XKR6: variants seen among roughly 807,000 people sequenced by gnomAD.
The protein encoded by XKR6 is XK-related protein 6.
In XKR6, 22 loss-of-function variants were observed where a neutral mutation model predicts 56.7. The observed-to-expected ratio is 0.39, with a 90% CI of 0.28 to 0.55. XKR6 has a LOEUF of 0.55. Among genes scored for constraint, XKR6 ranks in the 20% least tolerant of loss-of-function variants. The pLI, the probability that XKR6 is intolerant of heterozygous loss-of-function variation, is 0.66. For missense variants in XKR6, 852 were observed against 889.0 expected, an observed-to-expected ratio of 0.96 and a Z score of 0.53; for synonymous variants, 524 against 387.8, an observed-to-expected ratio of 1.35 and a Z score of -4.13.
intron 1 of XKR6, among the ~76,000 whole-genome samples, chr8:11,092,575 G>A (rs1798109875): frequency 6.6e-6 from 1 of 152,184 alleles, no homozygotes; most frequent in South Asian, 2.1e-4. Flanking sequence ...AGGTTAGAAA[G>A]AGAAACTGCT....
chr8:11,196,275 G>A (rs1803882877), intron 1 of XKR6, among the ~76,000 whole-genome samples: 1 of 152,098 alleles, frequency 6.6e-6, no homozygotes, highest in Admixed American at 6.5e-5. Context: ...GAATTAAACA[G>A]AATTATTATA....
At chr8:11,196,904 C>T (rs183870593) in intron 1 of XKR6, among the ~76,000 whole-genome samples, 7 of 152,306 alleles carry the variant, frequency 4.6e-5, no homozygotes, top group African/African-American at 1.2e-4. Context: ...GAGGAGCAGA[C>T]AGGAGGGCAG....
chr8:10,920,556 C>T (rs1196095053), intron 2 of XKR6, among the ~76,000 whole-genome samples: 1 of 152,242 alleles, frequency 6.6e-6, no homozygotes, highest in Non-Finnish European at 1.5e-5. Flanking sequence ...CACATTTTCT[C>T]TGCCCTCTTC....
intron 1 of XKR6, among the ~76,000 whole-genome samples, chr8:11,132,767 G>GCACGCACGCA (rs1554468040): frequency 7.2e-6 from 1 of 138,192 alleles, no homozygotes; most frequent in African/African-American, 2.9e-5. Flanking sequence ...ACACACGCAC[G>GCACGCACGCA]CACACACACA....
rs569603375 is a variant in XKR6, at chr8:11,143,018, A to G, written c.764+57558T>C. The stretch of plus-strand genomic sequence containing the variant: ...AGGAAAGAATCAAATATTCATCTTG[A>G]CTTTCCTAAATAAACTCAACAACCA... On this transcript the variant is annotated intron_variant, in intron 1 of 2. Transcript: ENST00000416569. Among the ~76,000 whole-genome samples the G allele has an allele frequency of 2.4e-4, 36 of 152,340 alleles. No individual in the cohort carries two copies. The South Asian group carries it at 6.6e-3, about 28-fold the overall frequency.
chr8:11,173,565 TGCTTGG>T (rs1259417637), intron 1 of XKR6, among the ~76,000 whole-genome samples: 1 of 152,124 alleles, frequency 6.6e-6, no homozygotes, highest in Non-Finnish European at 1.5e-5. Flanking sequence ...GACTTCTGTG[TGCTTGG>T]GTTTCCACAT....
At chr8:11,134,568 C>T (rs1261487446) in intron 1 of XKR6, among the ~76,000 whole-genome samples, 4 of 152,028 alleles carry the variant, frequency 2.6e-5, no homozygotes, top group African/African-American at 4.8e-5. Flanking sequence ...TTTTAGGAAA[C>T]TGAAACACAG....
intron 1 of XKR6, among the ~76,000 whole-genome samples, chr8:10,961,097 A>G (rs11250098): frequency 0.53 from 79,804 of 151,872 alleles, 22,274 homozygotes; most frequent in African/African-American, 0.68. Context: ...GCAGGCAGGG[A>G]CAGAGCATGA....
chr8:10,925,053 C>T (rs538993467), intron 1 of XKR6, among the ~76,000 whole-genome samples: 25 of 152,204 alleles, frequency 1.6e-4, no homozygotes, highest in Middle Eastern at 3.4e-3. Context: ...TTTGACCCCT[C>T]GTGGACCCCT....
At chr8:11,016,849 A>T (rs1363228205) in intron 1 of XKR6, among the ~76,000 whole-genome samples, 1 of 152,132 alleles carries the variant, frequency 6.6e-6, no homozygotes, top group Non-Finnish European at 1.5e-5. Flanking sequence ...CTGTTTTTCC[A>T]GTTCCCTCCT....
At chr8:10,977,682 G>T (rs1310357331) in intron 1 of XKR6, among the ~76,000 whole-genome samples, 1 of 150,020 alleles carries the variant, frequency 6.7e-6, no homozygotes, top group Non-Finnish European at 1.5e-5. Context: ...GTCTATCACG[G>T]AGGTGGGTTC....
chr8:11,151,153 G>C (rs1012137176), intron 1 of XKR6, among the ~76,000 whole-genome samples: 3 of 151,884 alleles, frequency 2.0e-5, no homozygotes, highest in African/African-American at 7.3e-5. Flanking sequence ...TTTCTCCCCC[G>C]CAAGTGACAT....
At chr8:10,907,786 A>G (rs1563281355) in intron 2 of XKR6, among the ~76,000 whole-genome samples, 3 of 152,296 alleles carry the variant, frequency 2.0e-5, no homozygotes, top group South Asian at 4.1e-4. Flanking sequence ...GAGCATTGAC[A>G]AAGTCAAATT....
At chr8:11,132,990 G>A (rs1272681125) in intron 1 of XKR6, among the ~76,000 whole-genome samples, 2 of 151,966 alleles carry the variant, frequency 1.3e-5, no homozygotes, top group Non-Finnish European at 2.9e-5. Flanking sequence ...ACATTTTTGA[G>A]ATCAAAAATC....
intron 1 of XKR6, among the ~76,000 whole-genome samples, chr8:11,166,277 G>A (rs1401064025): frequency 6.6e-6 from 1 of 152,074 alleles, no homozygotes. Context: ...CGCTGCTTTG[G>A]GTCATTTCAG....
chr8:11,010,096 G>A (rs1161239235), intron 1 of XKR6, among the ~76,000 whole-genome samples: 3 of 152,154 alleles, frequency 2.0e-5, no homozygotes, highest in African/African-American at 7.2e-5. Context: ...CCCTCAGGAA[G>A]CTTACAATCA....
chr8:10,956,505 C>T (rs370317947), intron 1 of XKR6, among the ~76,000 whole-genome samples: 1 of 152,186 alleles, frequency 6.6e-6, no homozygotes. Context: ...AGGGCCCAGG[C>T]CTCAACTTGG....
chr8:11,042,615 T>A (rs1213140156), intron 1 of XKR6, among the ~76,000 whole-genome samples: 1 of 152,244 alleles, frequency 6.6e-6, no homozygotes, highest in Admixed American at 6.5e-5. Flanking sequence ...CTTGGGTATT[T>A]CTTCATGGCA....
rs1425110722 is a variant in XKR6 at position 11,151,640 on chromosome 8, A to G, written c.764+48936T>C. On this transcript the variant is annotated intron_variant, in intron 1 of 2. Coordinates refer to ENST00000416569, the MANE Select transcript of XKR6 (RefSeq NM_173683.4). Reference sequence around the variant, plus strand: ...TGGTGGATTCAGAGCAGATGAACCCAGAGTCTCAGTTCAGAAAATCCAGAC... The same window carrying G: ...TGGTGGATTCAGAGCAGATGAACCCGGAGTCTCAGTTCAGAAAATCCAGAC... Among the ~76,000 whole-genome samples, 2 of 152,228 alleles carry G rather than the reference A, an allele frequency of 1.3e-5. 1 individual carries two copies. The highest frequency in any genetic ancestry group is 1.3e-4 in the Admixed American group (2 of 15,278).
Sources: allele counts gnomAD v4.1 joint callset (sites outside exome capture counted in the v4.1 genomes callset), GRCh38; gene constraint gnomAD v4.1.1; transcripts MANE v1.5; gene names NCBI Gene and HGNC (gene_info 2026-07-23, HGNC 2026-07-21).